Variants in EPS15 observed in about 807,000 individuals in gnomAD.
EPS15 encodes the protein epidermal growth factor receptor pathway substrate 15.
In EPS15, 72 loss-of-function variants were observed where a neutral mutation model predicts 113.8. The observed-to-expected ratio is 0.63, with a 90% confidence interval of 0.52 to 0.77. EPS15 has a LOEUF of 0.77. Ranked by LOEUF, EPS15 falls within the 30% of genes least tolerant of loss-of-function variation. The pLI is 0.00. For missense variants in EPS15, 1,048 were observed against 1,045.8 expected (o/e 1.00, Z -0.03); for synonymous variants, 344 against 363.4 (o/e 0.95, Z 0.61).
At chr1:51,466,094 C>T (rs1212414341) in intron 5 of EPS15, among the ~76,000 whole-genome samples, 1 of 146,876 alleles carries the variant, frequency 6.8e-6, no homozygotes, top group Non-Finnish European at 1.5e-5. Context: ...ATTTAAAAAA[C>T]ATGTCACCAA....
chr1:51,400,647 T>G (rs1648425609), intron 19 of EPS15, among the ~76,000 whole-genome samples: 1 of 137,604 alleles, frequency 7.3e-6, no homozygotes, highest in African/African-American at 2.8e-5. Context: ...CAGTGAGCCA[T>G]GATCACACCA....
intron 12 of EPS15, among the ~76,000 whole-genome samples, chr1:51,437,711 G>C (rs547198593): frequency 6.6e-6 from 1 of 152,054 alleles, no homozygotes; most frequent in African/African-American, 2.4e-5. Flanking sequence ...TCAAACTCCT[G>C]ACCTTAAGTG....
intron 4 of EPS15, among the ~76,000 whole-genome samples, chr1:51,469,918 G>A (rs1249054808): frequency 1.3e-5 from 2 of 150,944 alleles, no homozygotes; most frequent in Admixed American, 6.6e-5. Flanking sequence ...GCCTGGGAAA[G>A]TATCTTCCTG....
chr1:51,473,983 A>G (rs1655423176), intron 2 of EPS15, among the ~76,000 whole-genome samples: 1 of 152,224 alleles, frequency 6.6e-6, no homozygotes, highest in Non-Finnish European at 1.5e-5. Context: ...TTCTTTGCCT[A>G]CTTCCTGATC....
chr1:51,423,164 A>C (rs1019881511), intron 12 of EPS15: 1 of 1,272,624 alleles, frequency 7.9e-7, no homozygotes. Flanking sequence ...CTATTTGTAC[A>C]CTGTTACTTT....
Position 51,482,861 on chromosome 1 carries a change from TGACAG to T in EPS15, c.34-1552_34-1548del, listed in dbSNP as rs372824055. ...TGAAAAAAAGTTTGTAACATAGATT[TGACAG>T]GACTTATTAAGTGGGTGAGGGGGAA... On this transcript the variant is annotated intron_variant, in intron 1 of 24. Coordinates refer to ENST00000371733, the MANE Select transcript of EPS15 (RefSeq NM_001981.3). Among the ~76,000 whole-genome samples the T allele has an allele frequency of 2.6e-3, 390 of 152,194 alleles. 6 individuals carry two copies. The Middle Eastern group carries it at 0.031, about 12-fold the overall frequency.
At chr1:51,497,380 G>A (rs1644342009) in intron 1 of EPS15, among the ~76,000 whole-genome samples, 1 of 152,120 alleles carries the variant, frequency 6.6e-6, no homozygotes, top group South Asian at 2.1e-4. Flanking sequence ...AAACTTACAA[G>A]GAAAAAGATA....
intron 21 of EPS15, among the ~76,000 whole-genome samples, chr1:51,374,086 T>C (rs777056975): frequency 1.1e-4 from 16 of 152,204 alleles, no homozygotes; most frequent in African/African-American, 2.4e-4. Context: ...GCCTGAGTCA[T>C]TGCCTGTAAA....
chr1:51,414,836 G>A (rs1395212263), intron 13 of EPS15, among the ~76,000 whole-genome samples: 3 of 152,092 alleles, frequency 2.0e-5, no homozygotes, highest in Non-Finnish European at 4.4e-5. Flanking sequence ...GAATACAGAG[G>A]CATATACAGT....
chr1:51,401,244 C>A, intron 18 of EPS15: 3 of 231,878 alleles, frequency 1.3e-5, no homozygotes, highest in East Asian at 8.2e-5. Context: ...ATCACCAGTT[C>A]AGAAATAAAG....
At chr1:51,457,242 G>A (rs964776951) in intron 8 of EPS15, among the ~76,000 whole-genome samples, 31 of 151,948 alleles carry the variant, frequency 2.0e-4, no homozygotes, top group South Asian at 4.2e-4. Context: ...AGCTGAGATC[G>A]CGCCACTGCA....
At chr1:51,405,854 G>A (rs1649070566) in intron 16 of EPS15, 51 bp downstream of exon 16, 2 of 1,456,124 alleles carry the variant, frequency 1.4e-6, no homozygotes, top group East Asian at 4.5e-5. Context: ...AGTGAAACTT[G>A]GATCTGCACA....
chr1:51,457,007 C>G (rs1390689253), intron 8 of EPS15, among the ~76,000 whole-genome samples: 1 of 151,990 alleles, frequency 6.6e-6, no homozygotes, highest in Non-Finnish European at 1.5e-5. Context: ...GAGGGGGGGC[C>G]AGGCACAGTG....
chr1:51,446,881 A>G (rs1463820388), intron 10 of EPS15, 79 bp downstream of exon 10: 9 of 1,228,610 alleles, frequency 7.3e-6, no homozygotes, highest in Non-Finnish European at 9.1e-6. Context: ...CTATTTACAA[A>G]TGACTAAAAA....
In EPS15 at chr1:51,406,086, A is replaced by G. The variant is rs777118408; in HGVS notation, c.1496T>C (p.Met499Thr). The change falls in exon 16 of 25, where the codon ATG (methionine) becomes ACG (threonine). Residue 499 changes from methionine to threonine, a missense_variant. Physicochemically the swap from Met to Thr is moderately conservative, Grantham distance 81 (BLOSUM62 -1). Transcript: ENST00000371733. ...ISSMQMKLME[M>T]KDLENHNSQL... The stretch of plus-strand genomic sequence containing the variant: ...ACTATTATGATTTTCCAAATCTTTC[A>G]TTTCCATCAGTTTCATTTGCATCTG... 3.7e-6 allele frequency: 6 copies of G among 1,613,644 alleles called. No homozygotes were observed. The Admixed American group carries it at 1.0e-4, about 27-fold the overall frequency.
chr1:51,405,108 A>T (rs1322306887), intron 16 of EPS15, among the ~76,000 whole-genome samples: 1 of 152,006 alleles, frequency 6.6e-6, no homozygotes, highest in Non-Finnish European at 1.5e-5. Flanking sequence ...ATCTTTATGA[A>T]CCCCCTCCAA....
chr1:51,440,340 T>C lies in EPS15; in HGVS notation c.1040+7A>G. On this transcript the variant is annotated splice_region_variant and intron_variant, in intron 12 of 24. Transcript: ENST00000371733. ...ATGTGAGTAGGCTGTAATTTTGCTT[T>C]ACATACCTCTGTAGGTCAACTATTT... 1.4e-6 allele frequency: 2 copies of C among 1,461,044 alleles called. No homozygotes were observed. The allele number at this position is 1,461,044 out of a possible 1,614,324, so 90.5% of individuals were successfully genotyped here. A position where few individuals can be genotyped will look rare whatever the true frequency, so the allele number is the denominator to read the frequency against.
At chr1:51,369,002 G>T (rs1217020531) in intron 21 of EPS15, among the ~76,000 whole-genome samples, 1 of 151,930 alleles carries the variant, frequency 6.6e-6, no homozygotes, top group East Asian at 1.9e-4. Context: ...TTCACTTGTG[G>T]GACTGAAAAT....
chr1:51,504,787 G>A lies in EPS15; in HGVS notation c.33+14412C>T, dbSNP rs190432996. Among the ~76,000 whole-genome samples, 276 of 152,222 alleles carry A rather than the reference G, an allele frequency of 1.8e-3. 1 individual carries two copies. Among genetic ancestry groups the A allele is most frequent in the African/African-American group, 6.2e-3 (257 of 41,524 alleles). On this transcript the variant is annotated intron_variant, in intron 1 of 24. Transcript: ENST00000371733. The stretch of plus-strand genomic sequence containing the variant: ...GAGGATGTGGAGAAATCCTCATCCC[G>A]GTACACTGCTGGTACAAATATAAAT...
Sources: allele counts gnomAD v4.1 joint callset (sites outside exome capture counted in the v4.1 genomes callset), GRCh38; gene constraint gnomAD v4.1.1; transcripts MANE v1.5; gene names NCBI Gene and HGNC (gene_info 2026-07-23, HGNC 2026-07-21).